KIF16B: variants seen among roughly 807,000 people sequenced by gnomAD.
KIF16B encodes kinesin-like protein KIF16B.
KIF16B carries 98 observed loss-of-function variants against 156.3 expected under a neutral mutation model. The observed-to-expected ratio is 0.63, with a 90% CI of 0.53 to 0.74. The LOEUF (loss-of-function observed/expected upper bound fraction) is 0.74, where lower values mean the gene tolerates loss of function less well. Among genes scored for constraint, KIF16B ranks in the 30% least tolerant of loss-of-function variants. The probability of loss-of-function intolerance (pLI) is 0.00; values close to 1 mark genes in which losing one functional copy is unlikely to be tolerated. For missense variants in KIF16B, 1,421 were observed against 1,606.5 expected, an observed-to-expected ratio of 0.88 and a Z score of 1.97; for synonymous variants, 564 against 583.7, an observed-to-expected ratio of 0.97 and a Z score of 0.49.
chr20:16,509,807 T>G (rs2068901139), intron 6 of KIF16B, among the ~76,000 whole-genome samples: 1 of 152,370 alleles, frequency 6.6e-6, no homozygotes, highest in South Asian at 2.1e-4. Context: ...TCAAGTATGA[T>G]GTTTTATTTT....
intron 23 of KIF16B, among the ~76,000 whole-genome samples, chr20:16,354,872 G>C (rs1461976824): frequency 6.6e-6 from 1 of 152,184 alleles, no homozygotes; most frequent in African/African-American, 2.4e-5. Context: ...CTTGAACCCG[G>C]GAGGCGGAGG....
intron 23 of KIF16B, among the ~76,000 whole-genome samples, chr20:16,347,092 T>G (rs1414536923): frequency 6.6e-6 from 1 of 152,196 alleles, no homozygotes; most frequent in African/African-American, 2.4e-5. Context: ...CATTCATGAT[T>G]CCTAACCTGC....
intron 12 of KIF16B, among the ~76,000 whole-genome samples, chr20:16,476,354 G>C (rs915349883): frequency 1.1e-4 from 17 of 152,108 alleles, no homozygotes. Context: ...CCATTGAAAA[G>C]ACACATTTGT....
chr20:16,478,199 T>C (rs746985630), intron 12 of KIF16B, among the ~76,000 whole-genome samples: 21 of 151,978 alleles, frequency 1.4e-4, no homozygotes, highest in Non-Finnish European at 2.6e-4. Context: ...ATGATGCAAA[T>C]TAAAACTAAC....
At chr20:16,366,951 G>C in intron 22 of KIF16B, 1 of 1,255,884 alleles carries the variant, frequency 8.0e-7, no homozygotes, top group Non-Finnish European at 1.0e-6. Context: ...ATTTTATTGG[G>C]GCTCTGCTAT....
rs2063000656 is a variant in KIF16B, at chr20:16,272,676, CAGA to C, written c.*574_*576del. ...TGATTGGATCAAAAAATCCCTTTTG[CAGA>C]ATATGAAATTCTGTGTAAACATCAG... On this transcript the variant is annotated 3_prime_UTR_variant, in exon 26 of 26. Transcript: ENST00000354981. 1.3e-5 allele frequency: 2 copies of C among 152,402 alleles called. No individual in the cohort carries two copies. Among genetic ancestry groups the C allele is most frequent in the Admixed American group, 1.3e-4 (2 of 15,270 alleles). The allele number at this position is 152,402 out of a possible 1,614,324, so 9.4% of individuals were successfully genotyped here.
rs548292453 is a variant in KIF16B at position 16,400,953 on chromosome 20, T to G, written c.1784+3860A>C. Among the ~76,000 whole-genome samples, 48 of 152,298 alleles carry G rather than the reference T, an allele frequency of 3.2e-4. No individual in the cohort carries two copies. In the South Asian group the frequency reaches 9.7e-3, roughly 31 times the overall value. On this transcript the variant is annotated intron_variant, in intron 17 of 25. Coordinates refer to ENST00000354981, the MANE Select transcript of KIF16B (RefSeq NM_024704.5). Reference sequence around the variant, plus strand: ...CACTTCACACTACTGAACTGTACACTTAAAAGTCATTACCATGGGGAAGAA... The same window carrying G: ...CACTTCACACTACTGAACTGTACACGTAAAAGTCATTACCATGGGGAAGAA...
chr20:16,351,325 T>A (rs1381812000), intron 23 of KIF16B, among the ~76,000 whole-genome samples: 1 of 152,182 alleles, frequency 6.6e-6, no homozygotes, highest in Admixed American at 6.5e-5. Context: ...GTCTTAACCA[T>A]CAATTTCCCA....
At chr20:16,490,135 C>G (rs571346509) in intron 12 of KIF16B, among the ~76,000 whole-genome samples, 16 of 152,244 alleles carry the variant, frequency 1.1e-4, no homozygotes, top group African/African-American at 3.9e-4. Flanking sequence ...GAAGCCTTAA[C>G]CCCTAGTACC....
intron 25 of KIF16B, among the ~76,000 whole-genome samples, chr20:16,293,904 T>A (rs1203388974): frequency 6.6e-6 from 1 of 151,702 alleles, no homozygotes; most frequent in Non-Finnish European, 1.5e-5. Flanking sequence ...TGTCCCTGAA[T>A]ATATGAGGAG....
chr20:16,405,965 C>T (rs1036954997), intron 16 of KIF16B, among the ~76,000 whole-genome samples: 1 of 152,136 alleles, frequency 6.6e-6, no homozygotes, highest in Non-Finnish European at 1.5e-5. Flanking sequence ...AAACCCACCC[C>T]TGCTCTCGCT....
At chr20:16,370,110 A>T (rs1192762915) in intron 22 of KIF16B, among the ~76,000 whole-genome samples, 1 of 152,204 alleles carries the variant, frequency 6.6e-6, no homozygotes, top group African/African-American at 2.4e-5. Context: ...CATGCCTCTC[A>T]GTGGAGGAGA....
intron 12 of KIF16B, among the ~76,000 whole-genome samples, chr20:16,479,734 A>G (rs2067924820): frequency 6.6e-6 from 1 of 152,186 alleles, no homozygotes; most frequent in Admixed American, 6.5e-5. Context: ...AACATGCTCT[A>G]CAGGTTTGTA....
At chr20:16,427,461 G>A (rs970201313) in intron 14 of KIF16B, among the ~76,000 whole-genome samples, 3 of 152,046 alleles carry the variant, frequency 2.0e-5, no homozygotes, top group Admixed American at 6.6e-5. Context: ...TTCTTCAAGG[G>A]ATCTGGACAT....
At chr20:16,368,744 C>T in intron 22 of KIF16B, 1 of 985,894 alleles carries the variant, frequency 1.0e-6, no homozygotes, top group Non-Finnish European at 1.2e-6. Context: ...GATGCTCTCT[C>T]CTCATGGGAA....
chr20:16,381,808 T>A, intron 17 of KIF16B, 61 bp from the exon 18 acceptor site: 2 of 1,337,380 alleles, frequency 1.5e-6, no homozygotes, highest in Non-Finnish European at 2.1e-6. Flanking sequence ...TCTCTCTCAC[T>A]CTCTGTATAC....
intron 12 of KIF16B, among the ~76,000 whole-genome samples, chr20:16,431,906 A>G (rs2066510942): frequency 7.2e-6 from 1 of 138,398 alleles, no homozygotes; most frequent in Admixed American, 7.6e-5. Context: ...ATTTATATGT[A>G]TACGTATACA....
At position 16,273,081 on chromosome 20, in the gene KIF16B, C is replaced by A; in HGVS notation, c.*172G>T. 1.6e-6 allele frequency: 1 copy of A among 625,170 alleles called. No individual in the cohort carries two copies. Among genetic ancestry groups the A allele is most frequent in the Non-Finnish European group, 2.9e-6 (1 of 350,678 alleles). 38.7% of individuals were successfully genotyped at this position (625,170 alleles called of 1,614,324 possible). A position where few individuals can be genotyped will look rare whatever the true frequency, so the allele number is the denominator to read the frequency against. ...ACATCAGCAGGCAGAGCATCCCATC[C>A]CCAAACTCAGGCACTAGGTATGGAA... On this transcript the variant is annotated 3_prime_UTR_variant, in exon 26 of 26. Transcript: ENST00000354981.
intron 3 of KIF16B, among the ~76,000 whole-genome samples, chr20:16,524,127 G>A (rs565194284): frequency 1.6e-4 from 25 of 152,252 alleles, no homozygotes; most frequent in Middle Eastern, 3.4e-3. Flanking sequence ...AAGATTTCAC[G>A]ACTAAAACAC....
Sources: allele counts gnomAD v4.1 joint callset (sites outside exome capture counted in the v4.1 genomes callset), GRCh38; gene constraint gnomAD v4.1.1; transcripts MANE v1.5; gene names NCBI Gene and HGNC (gene_info 2026-07-23, HGNC 2026-07-21).